Variants in SLCO6A1 observed in about 807,000 individuals in gnomAD.
The protein encoded by SLCO6A1 is solute carrier organic anion transporter family member 6A1.
In SLCO6A1, 65 loss-of-function variants were observed where a neutral mutation model predicts 72.7. The ratio of observed to expected loss-of-function variants is 0.89; its 90% confidence interval spans 0.73 to 1.10. The LOEUF (loss-of-function observed/expected upper bound fraction) is 1.10, where lower values mean the gene tolerates loss of function less well. SLCO6A1 is among the 50% of genes least tolerant of loss of function. SLCO6A1 has a pLI of 0.00. For synonymous variants in SLCO6A1, 314 were observed against 298.2 expected (o/e 1.05, Z -0.55); for missense variants, 874 against 872.6 (o/e 1.00, Z -0.02).
At chr5:102,376,468 A>C (rs1261171254) in intron 12 of SLCO6A1, among the ~76,000 whole-genome samples, 4 of 152,178 alleles carry the variant, frequency 2.6e-5, no homozygotes, top group African/African-American at 9.7e-5. Flanking sequence ...AGTAATAATA[A>C]AAATAACAAT....
At chr5:102,427,078 T>G (rs1431926086) in intron 7 of SLCO6A1, among the ~76,000 whole-genome samples, 1 of 150,920 alleles carries the variant, frequency 6.6e-6, no homozygotes, top group East Asian at 1.9e-4. Context: ...GACATAAAAA[T>G]GAAAGTGTTC....
intron 11 of SLCO6A1, among the ~76,000 whole-genome samples, chr5:102,389,459 C>CCCA (rs1198260136): frequency 4.5e-5 from 5 of 111,092 alleles, no homozygotes; most frequent in African/African-American, 1.7e-4. Context: ...CCCACCCCCA[C>CCCA]ACACACAGAG....
intron 4 of SLCO6A1, among the ~76,000 whole-genome samples, chr5:102,470,907 GTTTT>G: frequency 1.3e-5 from 2 of 152,066 alleles, no homozygotes; most frequent in Non-Finnish European, 2.9e-5. Context: ...CTTGGTTGTA[GTTTT>G]GTTTAGTGCA....
In SLCO6A1 at chr5:102,399,737, G is replaced by C; in HGVS notation, c.1632C>G (p.Tyr544Ter). ...CTTCTTTAATGCAAGAACAATTGTA[G>C]TACATCTGTGAGTATTGAAGACAGG... ...YSKAQNQKKM[Y>*]YNCSCIKEGL... is the part of the protein sequence containing the mutation. Residue 544 changes from tyrosine (Y) to a stop codon, truncating the protein, a stop_gained, in exon 10 of 14, where the codon TAC becomes TAG. Coordinates refer to ENST00000506729, the MANE Select transcript of SLCO6A1 (RefSeq NM_173488.5). LOFTEE classifies it high-confidence loss of function. 1 of 1,565,816 alleles carries C rather than the reference G, an allele frequency of 6.4e-7. No individual in the cohort carries two copies. The highest frequency in any genetic ancestry group is 8.7e-7 in the Non-Finnish European group (1 of 1,151,772).
At chr5:102,490,652 T>A (rs1752631268) in intron 1 of SLCO6A1, among the ~76,000 whole-genome samples, 1 of 152,160 alleles carries the variant, frequency 6.6e-6, no homozygotes, top group Non-Finnish European at 1.5e-5. Context: ...AGTTTCTTCC[T>A]TCTGGTGGGT....
intron 7 of SLCO6A1, 106 bp downstream of exon 7, chr5:102,438,511 T>A (rs1449007485): frequency 2.2e-5 from 19 of 868,080 alleles, no homozygotes; most frequent in Non-Finnish European, 3.2e-5. Flanking sequence ...ACAAATCATA[T>A]CTAGGTATAT....
chr5:102,379,231 T>A (rs996246671), intron 12 of SLCO6A1, among the ~76,000 whole-genome samples: 2 of 152,202 alleles, frequency 1.3e-5, no homozygotes, highest in Non-Finnish European at 2.9e-5. Flanking sequence ...TTTGGTTCAC[T>A]GTATTCCACA....
chr5:102,447,606 T>C (rs1213348850), intron 6 of SLCO6A1, among the ~76,000 whole-genome samples: 1 of 152,154 alleles, frequency 6.6e-6, no homozygotes, highest in Non-Finnish European at 1.5e-5. Context: ...TCTTAGAAGG[T>C]TGCATGCTTC....
chr5:102,374,534 C>T lies in SLCO6A1; in HGVS notation c.2018-1040G>A, dbSNP rs578190991. Among the ~76,000 whole-genome samples the T allele has an allele frequency of 8.5e-5, 13 of 152,284 alleles. No homozygotes were observed. In the East Asian group the frequency reaches 1.2e-3, roughly 14 times the overall value. On this transcript the variant is annotated intron_variant, in intron 12 of 13. Coordinates refer to ENST00000506729, the MANE Select transcript of SLCO6A1 (RefSeq NM_173488.5). ...TGAACTCCTGGCCTCAAGTGATCATCTCGCCTTGGCCTCTCTAAGTGTAAA... is the reference window on the plus strand; with the variant it reads ...TGAACTCCTGGCCTCAAGTGATCATTTCGCCTTGGCCTCTCTAAGTGTAAA...
At chr5:102,488,908 T>C (rs1046904139) in intron 1 of SLCO6A1, among the ~76,000 whole-genome samples, 1 of 152,122 alleles carries the variant, frequency 6.6e-6, no homozygotes, top group Admixed American at 6.6e-5. Context: ...ATTTAAGAAT[T>C]AGGGCTTACA....
At chr5:102,381,652 C>T (rs1284662556) in intron 12 of SLCO6A1, among the ~76,000 whole-genome samples, 1 of 151,050 alleles carries the variant, frequency 6.6e-6, no homozygotes, top group Non-Finnish European at 1.5e-5. Context: ...AACTTGTTTT[C>T]AGTAATGGCT....
At chr5:102,489,656 A>T (rs1752588641) in intron 1 of SLCO6A1, among the ~76,000 whole-genome samples, 1 of 152,218 alleles carries the variant, frequency 6.6e-6, no homozygotes, top group Non-Finnish European at 1.5e-5. Context: ...GTGGGAATTT[A>T]TGTAAGAGTA....
chr5:102,418,889 C>A (rs1002278255), intron 8 of SLCO6A1, among the ~76,000 whole-genome samples: 1 of 152,114 alleles, frequency 6.6e-6, no homozygotes, highest in Non-Finnish European at 1.5e-5. Context: ...CAGCAAATTT[C>A]TTGAGTTATA....
At chr5:102,375,774 C>T (rs973942176) in intron 12 of SLCO6A1, among the ~76,000 whole-genome samples, 6 of 151,824 alleles carry the variant, frequency 4.0e-5, no homozygotes, top group South Asian at 2.1e-4. Context: ...GATAACAGAG[C>T]GTCCAAGATA....
intron 1 of SLCO6A1, among the ~76,000 whole-genome samples, chr5:102,484,977 G>A (rs1218794055): frequency 6.6e-6 from 1 of 152,038 alleles, no homozygotes; most frequent in Non-Finnish European, 1.5e-5. Flanking sequence ...GCCTGGCCAG[G>A]AGCATGGCTC....
At chr5:102,478,337 C>T (rs1752019396) in intron 2 of SLCO6A1, among the ~76,000 whole-genome samples, 1 of 152,090 alleles carries the variant, frequency 6.6e-6, no homozygotes, top group South Asian at 2.1e-4. Flanking sequence ...ATCTAGTTCC[C>T]CTGACTTTTG....
At chr5:102,417,609 TTC>T (rs1261576051) in intron 8 of SLCO6A1, among the ~76,000 whole-genome samples, 2 of 152,324 alleles carry the variant, frequency 1.3e-5, no homozygotes, top group Non-Finnish European at 2.9e-5. Flanking sequence ...TTACATATTT[TTC>T]TGTTTTAAAT....
At chr5:102,441,926 T>C (rs980197302) in intron 6 of SLCO6A1, among the ~76,000 whole-genome samples, 8 of 151,954 alleles carry the variant, frequency 5.3e-5, no homozygotes, top group Non-Finnish European at 8.8e-5. Flanking sequence ...GATTCAAATA[T>C]TGATTAACTA....
intron 9 of SLCO6A1, among the ~76,000 whole-genome samples, chr5:102,401,549 C>T (rs1473142036): frequency 6.6e-6 from 1 of 151,710 alleles, no homozygotes; most frequent in African/African-American, 2.4e-5. Flanking sequence ...GCTTGGGAGG[C>T]CAGGGTGGTA....
Sources: gnomAD v4.1 joint callset for allele counts (sites outside exome capture counted in the v4.1 genomes callset) on GRCh38, gnomAD v4.1.1 for gene constraint, MANE v1.5 for transcripts, NCBI Gene and HGNC (gene_info 2026-07-23, HGNC 2026-07-21) for gene names.